Variants in AIG1 observed in about 807,000 individuals in gnomAD.
The protein encoded by AIG1 is androgen-induced gene 1 protein.
In AIG1, 23 loss-of-function variants were observed where a neutral mutation model predicts 31.4. That is an observed-to-expected ratio of 0.73 (90% confidence interval 0.53 to 1.04). The LOEUF (loss-of-function observed/expected upper bound fraction) is 1.04. Among genes scored for constraint, AIG1 ranks in the 50% least tolerant of loss-of-function variants. AIG1 has a pLI of 0.00. For synonymous variants in AIG1, 100 were observed against 110.5 expected (o/e 0.90, Z 0.60); for missense variants, 274 against 295.0 (o/e 0.93, Z 0.52).
rs1020883095 is a variant in AIG1 at position 143,180,583 on chromosome 6, A to G, written c.399+15400A>G. On this transcript the variant is annotated intron_variant, in intron 3 of 5. Coordinates refer to ENST00000357847, the MANE Select transcript of AIG1 (RefSeq NM_016108.4). ...GATTGCTGAGCTTCAGTGATGCTATAACAGGAAATAACAACAATCAGATAG... is the reference window on the plus strand; with the variant it reads ...GATTGCTGAGCTTCAGTGATGCTATGACAGGAAATAACAACAATCAGATAG... 3.9e-5 allele frequency among the ~76,000 whole-genome samples: 6 copies of G among 152,386 alleles called. No individual in the cohort carries two copies. In the East Asian group the frequency reaches 9.6e-4, roughly 24 times the overall value.
chr6:143,083,786 G>A (rs1308331517), intron 1 of AIG1, among the ~76,000 whole-genome samples: 1 of 152,102 alleles, frequency 6.6e-6, no homozygotes, highest in African/African-American at 2.4e-5. Flanking sequence ...AATGGGATGA[G>A]CATTCTTTGC....
chr6:143,179,964 T>C (rs761268242), intron 3 of AIG1, among the ~76,000 whole-genome samples: 10 of 152,238 alleles, frequency 6.6e-5, no homozygotes, highest in Non-Finnish European at 1.0e-4. Flanking sequence ...ATTCAATAAA[T>C]GTTGGTGATT....
At chr6:143,181,566 A>G (rs1004687655) in intron 3 of AIG1, among the ~76,000 whole-genome samples, 2 of 152,238 alleles carry the variant, frequency 1.3e-5, no homozygotes, top group African/African-American at 4.8e-5. Flanking sequence ...GTTTATTCAG[A>G]TCAGTAATAA....
chr6:143,171,995 A>G (rs1230065337), intron 3 of AIG1, among the ~76,000 whole-genome samples: 1 of 151,986 alleles, frequency 6.6e-6, no homozygotes, highest in Non-Finnish European at 1.5e-5. Flanking sequence ...AGAATTGTCC[A>G]TTCATATCCT....
chr6:143,331,765 C>A lies in AIG1; in HGVS notation c.516-1517C>A, dbSNP rs1777093840. Among the ~76,000 whole-genome samples the A allele has an allele frequency of 6.6e-6, 1 of 151,734 alleles. No homozygotes were observed. The highest frequency in any genetic ancestry group is 1.5e-5 in the Non-Finnish European group (1 of 67,972). ...TTTCGCCTGCAAGAAGAGGGGGGAT[C>A]TCACCCTCATTGATAACGCAGGTTC... On this transcript the variant is annotated intron_variant, in intron 4 of 5. Transcript: ENST00000357847. This position sits in a 1 kb window ranked among gnomAD's most constrained non-coding sequence, Gnocchi z 4.1.
intron 1 of AIG1, among the ~76,000 whole-genome samples, chr6:143,102,300 T>C (rs558614131): frequency 1.1e-3 from 165 of 151,408 alleles, no homozygotes; most frequent in Non-Finnish European, 2.1e-3. Flanking sequence ...ATTAAGTTTA[T>C]AAGACTGAAG....
chr6:143,332,403 C>G lies in AIG1; in HGVS notation c.516-879C>G, dbSNP rs145217425. Among the ~76,000 whole-genome samples, 51 of 152,328 alleles carry G rather than the reference C, an allele frequency of 3.3e-4. 1 individual carries two copies. Among genetic ancestry groups the G allele is most frequent in the African/African-American group, 1.2e-3 (49 of 41,566 alleles). ...CAAGCCAATGGAGCCGATATTCTAA[C>G]TAAACTTTTGAAAGCAGTGGCAATT... On this transcript the variant is annotated intron_variant, in intron 4 of 5. Transcript: ENST00000357847.
At position 143,203,356 on chromosome 6, in the gene AIG1, A is replaced by G. The variant is rs550266197; in HGVS notation, c.399+38173A>G. Among the ~76,000 whole-genome samples, 95 of 152,322 alleles carry G rather than the reference A, an allele frequency of 6.2e-4. 1 individual carries two copies. The highest frequency in any genetic ancestry group is 2.2e-3 in the African/African-American group (91 of 41,576). ...ATACTCTACTATCTCCATGTTTCCC[A>G]CAGCCAGATGGAATAGTGGCTCGAG... On this transcript the variant is annotated intron_variant, in intron 3 of 5. Transcript: ENST00000357847.
upstream of AIG1, among the ~76,000 whole-genome samples, chr6:143,059,294 G>A (rs1776077169): frequency 6.6e-6 from 1 of 152,082 alleles, no homozygotes; most frequent in Admixed American, 6.5e-5. Context: ...CGCTCACTCT[G>A]GGTCTGTGCC....
At chr6:143,094,657 A>T (rs1779593853) in intron 1 of AIG1, among the ~76,000 whole-genome samples, 3 of 152,240 alleles carry the variant, frequency 2.0e-5, no homozygotes, top group African/African-American at 7.2e-5. Flanking sequence ...CCAAGTAAAA[A>T]AGTGACCCCT....
intron 1 of AIG1, among the ~76,000 whole-genome samples, chr6:143,116,509 T>C (rs1781751489): frequency 6.6e-6 from 1 of 151,702 alleles, no homozygotes; most frequent in South Asian, 2.1e-4. Context: ...TGACGAAGGA[T>C]GTAAAAACTG....
At chr6:143,190,228 C>G in intron 3 of AIG1, 1 of 985,436 alleles carries the variant, frequency 1.0e-6, no homozygotes, top group Non-Finnish European at 1.2e-6. Context: ...GAACATCAAC[C>G]ATAAGGAACA....
At chr6:143,235,606 C>T (rs1793749995) in intron 3 of AIG1, among the ~76,000 whole-genome samples, 1 of 136,162 alleles carries the variant, frequency 7.3e-6, no homozygotes, top group South Asian at 2.7e-4. Context: ...CTCTCTTCTC[C>T]CCTGATTCAT....
chr6:143,090,819 C>G (rs187148827), intron 1 of AIG1, among the ~76,000 whole-genome samples: 3 of 152,084 alleles, frequency 2.0e-5, no homozygotes, highest in Non-Finnish European at 4.4e-5. Context: ...CTGGCAGTTT[C>G]CTAAAATAGG....
intron 3 of AIG1, among the ~76,000 whole-genome samples, chr6:143,232,056 G>C (rs1793483158): frequency 1.3e-5 from 2 of 152,168 alleles, no homozygotes; most frequent in Admixed American, 6.5e-5. Flanking sequence ...TGCCACCTTT[G>C]AAAGATTTTA....
At chr6:143,187,440 A>T in intron 3 of AIG1, 3 of 1,535,596 alleles carry the variant, frequency 2.0e-6, no homozygotes, top group Non-Finnish European at 2.6e-6. Flanking sequence ...CTACAGTATG[A>T]TCAGCTTGGT....
chr6:143,205,152 C>T (rs1399966037), intron 3 of AIG1, among the ~76,000 whole-genome samples: 2 of 152,300 alleles, frequency 1.3e-5, no homozygotes, highest in East Asian at 1.9e-4. Context: ...ATTGGCTTCC[C>T]TGGAAAATAT....
rs541139284 is a variant in AIG1, at chr6:143,280,948, C to T, written c.400-3162C>T. ...TTATTATTGATTGGATAATATATCA[C>T]AGGAAAGACATATTTAGCAAAAATC... On this transcript the variant is annotated intron_variant, in intron 3 of 5. Coordinates refer to ENST00000357847, the MANE Select transcript of AIG1 (RefSeq NM_016108.4). The surrounding 1 kb of genome is among the most constrained non-coding windows in gnomAD (Gnocchi z 4.1). 6.6e-6 allele frequency among the ~76,000 whole-genome samples: 1 copy of T among 152,222 alleles called. No individual in the cohort carries two copies. Among genetic ancestry groups the T allele is most frequent in the East Asian group, 1.9e-4 (1 of 5,186 alleles).
At chr6:143,270,018 A>C (rs77728922) in intron 3 of AIG1, among the ~76,000 whole-genome samples, 144 of 152,350 alleles carry the variant, frequency 9.5e-4, no homozygotes, top group Non-Finnish European at 1.6e-3. Context: ...AGAAGAAGGA[A>C]GGGCAGATGT....
Sources: gnomAD v4.1 joint callset for allele counts (sites outside exome capture counted in the v4.1 genomes callset) on GRCh38, gnomAD v4.1.1 for gene constraint, Gnocchi (gnomAD v3.1) non-coding constraint, MANE v1.5 for transcripts, NCBI Gene and HGNC (gene_info 2026-07-23, HGNC 2026-07-21) for gene names.